Variants in SNX11 observed in about 807,000 individuals in gnomAD.
SNX11 encodes sorting nexin-11.
SNX11 carries 19 observed loss-of-function variants against 30.7 expected under a neutral mutation model. The ratio of observed to expected loss-of-function variants is 0.62; its 90% CI spans 0.43 to 0.91. The LOEUF is 0.91. Ranked by LOEUF, SNX11 falls within the 40% of genes least tolerant of loss-of-function variation. The pLI is 0.00. For missense variants in SNX11, 302 were observed against 326.7 expected (o/e 0.92, Z 0.58); for synonymous variants, 112 against 119.0 (o/e 0.94, Z 0.38).
At chr17:48,109,644 C>T (rs1205772592) in intron 1 of SNX11, among the ~76,000 whole-genome samples, 1 of 151,378 alleles carries the variant, frequency 6.6e-6, no homozygotes, top group Non-Finnish European at 1.5e-5. Flanking sequence ...GTGGCGCGAT[C>T]TCGGCTCACT....
chr17:48,113,334 T>C lies in SNX11; in HGVS notation c.163T>C (p.Cys55Arg). The change falls in exon 4 of 7, where the codon TGT (cysteine) becomes CGT (arginine). Residue 55 changes from cysteine to arginine, a missense_variant. Transcript: ENST00000359238. ...CAAAGCCTTTACTGCCAAGACTTCCTGTGTGCGGCGCCGCTACCGTGAGTT... is the reference window on the plus strand; with the variant it reads ...CAAAGCCTTTACTGCCAAGACTTCCCGTGTGCGGCGCCGCTACCGTGAGTT... ...NSKAFTAKTS[C>R]VRRRYREFVW... The C allele has an allele frequency of 6.2e-7, 1 of 1,613,702 alleles. No homozygotes were observed. Among genetic ancestry groups the C allele is most frequent in the Non-Finnish European group, 8.5e-7 (1 of 1,179,778 alleles).
intron 1 of SNX11, among the ~76,000 whole-genome samples, chr17:48,109,244 G>T (rs531045225): frequency 6.7e-6 from 1 of 148,494 alleles, no homozygotes; most frequent in Non-Finnish European, 1.5e-5. Context: ...TGTTTTTAAG[G>T]ACAGTTACAA....
At chr17:48,120,490 G>T (rs1267933555) in intron 6 of SNX11, among the ~76,000 whole-genome samples, 1 of 140,918 alleles carries the variant, frequency 7.1e-6, no homozygotes, top group Admixed American at 7.3e-5. Flanking sequence ...TTACAGGTGT[G>T]AGCCATCGCA....
intron 1 of SNX11, chr17:48,110,673 G>A (rs2063483110): frequency 1.3e-5 from 2 of 152,304 alleles, no homozygotes; most frequent in Admixed American, 1.3e-4. Flanking sequence ...GAGAGGGAGG[G>A]CTTAGAGATA....
intron 6 of SNX11, among the ~76,000 whole-genome samples, chr17:48,120,431 C>T (rs1485578148): frequency 1.3e-5 from 2 of 150,776 alleles, no homozygotes; most frequent in Admixed American, 6.6e-5. Context: ...TGGTCTCGAA[C>T]TCCTGACCTC....
At chr17:48,114,457 CTTTT>C (rs34029008) in intron 4 of SNX11, among the ~76,000 whole-genome samples, 3 of 123,478 alleles carry the variant, frequency 2.4e-5, no homozygotes, top group African/African-American at 3.1e-5. Context: ...CCCAGGCCTT[CTTTT>C]TTTTTTTTTT....
In SNX11 at chr17:48,121,451, AG is replaced by A. The variant is rs756020143; in HGVS notation, c.758del (p.Gly253GlufsTer12). On this transcript the variant is annotated frameshift_variant, in exon 7 of 7. Transcript: ENST00000359238. LOFTEE classifies it high-confidence loss of function. ...TTCAGTCTGTGAGGAGGGCTGTGGGAGGAGATCATGCTGTGCCTTTGGACCC... is the reference window on the plus strand; with the variant it reads ...TTCAGTCTGTGAGGAGGGCTGTGGGAGAGATCATGCTGTGCCTTTGGACCC... ...TLQSVRRAVG[G>X]DHAVPLDPGQ... 1.9e-6 allele frequency: 3 copies of A among 1,614,074 alleles called. No individual in the cohort carries two copies. The African/African-American group carries it at 4.0e-5, about 22-fold the overall frequency.
chr17:48,111,102 A>T, intron 1 of SNX11: 1 of 985,388 alleles, frequency 1.0e-6, no homozygotes, highest in Non-Finnish European at 1.2e-6. Flanking sequence ...CAGAAGTACA[A>T]ACCGGATGGC....
Position 48,113,326 on chromosome 17 carries a change from A to G in SNX11, c.155A>G (p.Lys52Arg). The change falls in exon 4 of 7, where the codon AAG (lysine) becomes AGG (arginine). Residue 52 changes from lysine to arginine, a missense_variant. Coordinates refer to ENST00000359238, the MANE Select transcript of SNX11 (RefSeq NM_013323.3). The part of the protein sequence containing the change: ...LHTNSKAFTA[K>R]TSCVRRRYRE... ...ACCAACAGCAAAGCCTTTACTGCCA[A>G]GACTTCCTGTGTGCGGCGCCGCTAC... The G allele has an allele frequency of 1.9e-6, 3 of 1,613,654 alleles. No homozygotes were observed. Among genetic ancestry groups the G allele is most frequent in the Non-Finnish European group, 1.7e-6 (2 of 1,179,758 alleles).
intron 6 of SNX11, among the ~76,000 whole-genome samples, chr17:48,120,653 C>T (rs1174400737): frequency 2.0e-5 from 3 of 151,598 alleles, no homozygotes; most frequent in Admixed American, 1.3e-4. Flanking sequence ...GGACTACAGG[C>T]GCCCGCCACC....
rs997815108 is a variant in SNX11 at position 48,121,718 on chromosome 17, C to G, written c.*210C>G. 12 of 573,852 alleles carry G rather than the reference C, an allele frequency of 2.1e-5. No individual in the cohort carries two copies. Among genetic ancestry groups the G allele is most frequent in the Non-Finnish European group, 3.4e-5 (11 of 323,710 alleles). 35.5% of individuals were successfully genotyped at this position (573,852 alleles called of 1,614,324 possible). A position where few individuals can be genotyped will look rare whatever the true frequency, so the allele number is the denominator to read the frequency against. ...ACTGTGCAGATGTTTGTAAGTTAAA[C>G]ATAAGACACAGGGGCTGTTGCTTTT... On this transcript the variant is annotated 3_prime_UTR_variant, in exon 7 of 7. Coordinates refer to ENST00000359238, the MANE Select transcript of SNX11 (RefSeq NM_013323.3).
chr17:48,118,577 CAAA>C (rs35405067), intron 4 of SNX11, 124 bp from the exon 5 acceptor site: 1,846 of 479,992 alleles, frequency 3.8e-3, no homozygotes, highest in South Asian at 5.4e-3. Context: ...GACTCCATCT[CAAA>C]AAAAAAAAAA....
intron 1 of SNX11, among the ~76,000 whole-genome samples, chr17:48,108,862 G>A (rs1794987961): frequency 6.6e-6 from 1 of 152,198 alleles, no homozygotes; most frequent in Admixed American, 6.5e-5. Flanking sequence ...TCTGTGGGGA[G>A]GAATCTAATG....
intron 1 of SNX11, 127 bp from the exon 2 acceptor site, chr17:48,111,904 A>G: frequency 1.4e-6 from 1 of 703,542 alleles, no homozygotes; most frequent in Non-Finnish European, 2.5e-6. Flanking sequence ...AAGTTTTACA[A>G]GAACAAAAAG....
chr17:48,118,976 T>C lies in SNX11; in HGVS notation c.329T>C (p.Val110Ala). The change falls in exon 6 of 7, where the codon GTC (valine) becomes GCC (alanine). Residue 110 changes from valine (V) to alanine (A), a missense_variant and splice_region_variant. Transcript: ENST00000359238. ...RQGLQHFLEK[V>A]LQSVVLLSDS... Reference sequence around the variant, plus strand: ...TGTGCTACCTGTGTTTTTCCCAGGGTCCTGCAGAGTGTGGTTCTCCTGTCA... The same window carrying C: ...TGTGCTACCTGTGTTTTTCCCAGGGCCCTGCAGAGTGTGGTTCTCCTGTCA... 1 of 1,613,922 alleles carries C rather than the reference T, an allele frequency of 6.2e-7. No homozygotes were observed. The highest frequency in any genetic ancestry group is 1.1e-5 in the South Asian group (1 of 91,050).
chr17:48,118,863 A>C (rs187330494), intron 5 of SNX11, 64 bp downstream of exon 5: 4 of 1,559,922 alleles, frequency 2.6e-6, no homozygotes. Context: ...GGAATGTGCC[A>C]GGCAGGATGG....
At chr17:48,111,587 T>C (rs3785737) in intron 1 of SNX11, among the ~76,000 whole-genome samples, 134,077 of 150,868 alleles carry the variant, frequency 0.89, 59,633 homozygotes, top group Admixed American at 0.92. Context: ...GCAGAGGTTG[T>C]GGTGAGCCGA....
intron 4 of SNX11, 64 bp from the exon 5 acceptor site, chr17:48,118,640 G>C (rs2063568250): frequency 8.6e-7 from 1 of 1,162,164 alleles, no homozygotes; most frequent in South Asian, 1.3e-5. Flanking sequence ...TCCTTGATCA[G>C]AGGCCGGAAT....
At chr17:48,119,257 G>T in intron 6 of SNX11, 71 bp downstream of exon 6, 1 of 1,160,596 alleles carries the variant, frequency 8.6e-7, no homozygotes, top group Non-Finnish European at 1.3e-6. Context: ...GTGTCCATTT[G>T]TTAGGGAAAG....
Sources: gnomAD v4.1 joint callset for allele counts (sites outside exome capture counted in the v4.1 genomes callset) on GRCh38, gnomAD v4.1.1 for gene constraint, MANE v1.5 for transcripts, NCBI Gene and HGNC (gene_info 2026-07-23, HGNC 2026-07-21) for gene names.